CHSY3: variants seen among roughly 807,000 people sequenced by gnomAD.
CHSY3 encodes the protein N-acetylgalactosaminyl-proteoglycan 3-beta-glucuronosyltransferase 3.
CHSY3 carries 35 observed loss-of-function variants against 67.2 expected under a neutral mutation model. The observed-to-expected ratio is 0.52, with a 90% confidence interval of 0.40 to 0.69. The LOEUF (loss-of-function observed/expected upper bound fraction) is 0.69, where lower values mean the gene tolerates loss of function less well. CHSY3 is among the 30% of genes least tolerant of loss of function. The pLI is 0.00. For missense variants in CHSY3, 1,069 were observed against 1,138.5 expected (o/e 0.94, Z 0.88); for synonymous variants, 474 against 434.7 (o/e 1.09, Z -1.12).
intron 2 of CHSY3, among the ~76,000 whole-genome samples, chr5:130,012,747 G>C (rs192469308): frequency 1.3e-5 from 2 of 152,200 alleles, no homozygotes; most frequent in East Asian, 3.9e-4. Flanking sequence ...TGTAATTCAA[G>C]ATGAGATTTG....
chr5:129,913,023 A>G (rs1437307655), intron 2 of CHSY3, among the ~76,000 whole-genome samples: 1 of 152,218 alleles, frequency 6.6e-6, no homozygotes, highest in Non-Finnish European at 1.5e-5. Context: ...CCTGTTGGCA[A>G]AGATCACACT....
At chr5:130,146,980 G>T (rs1050583790) in intron 2 of CHSY3, among the ~76,000 whole-genome samples, 1 of 152,082 alleles carries the variant, frequency 6.6e-6, no homozygotes, top group Non-Finnish European at 1.5e-5. Context: ...TTTTAGTAGA[G>T]ACGGGGTTTC....
intron 2 of CHSY3, among the ~76,000 whole-genome samples, chr5:130,170,616 G>C (rs1006299187): frequency 2.0e-5 from 3 of 152,072 alleles, no homozygotes; most frequent in African/African-American, 4.8e-5. Context: ...CAGTGTATGA[G>C]CATTCCATTT....
intron 2 of CHSY3, among the ~76,000 whole-genome samples, chr5:130,101,040 C>T (rs974106006): frequency 1.1e-4 from 17 of 152,128 alleles, no homozygotes; most frequent in African/African-American, 3.6e-4. Context: ...TAAACAGTCC[C>T]GCAAGTACTT....
At chr5:130,112,902 C>A (rs921207242) in intron 2 of CHSY3, among the ~76,000 whole-genome samples, 1 of 152,066 alleles carries the variant, frequency 6.6e-6, no homozygotes, top group Non-Finnish European at 1.5e-5. Flanking sequence ...ATTTTCACTC[C>A]GTTTCCCTTT....
chr5:129,904,679 G>A lies in CHSY3; in HGVS notation c.-151G>A. Reference sequence around the variant, plus strand: ...GCCCGCGGCAGTCGAGGCGTCCGCGGCGCTTCGACCTCCAGCCGGTGTCGG... The same window carrying A: ...GCCCGCGGCAGTCGAGGCGTCCGCGACGCTTCGACCTCCAGCCGGTGTCGG... On this transcript the variant is annotated 5_prime_UTR_variant, in exon 1 of 3. Coordinates refer to ENST00000305031, the MANE Select transcript of CHSY3 (RefSeq NM_175856.5). 8.6e-7 allele frequency: 1 copy of A among 1,168,818 alleles called. No homozygotes were observed. The highest frequency in any genetic ancestry group is 1.1e-6 in the Non-Finnish European group (1 of 936,760). 72.4% of individuals were successfully genotyped at this position (1,168,818 alleles called of 1,614,324 possible). A position where few individuals can be genotyped will look rare whatever the true frequency, so the allele number is the denominator to read the frequency against.
chr5:130,023,581 G>T (rs1764452749), intron 2 of CHSY3, among the ~76,000 whole-genome samples: 1 of 152,020 alleles, frequency 6.6e-6, no homozygotes, highest in African/African-American at 2.4e-5. Context: ...CCCAACCAAG[G>T]TTCGGTGAGA....
At chr5:129,935,926 G>T (rs1761473588) in intron 2 of CHSY3, among the ~76,000 whole-genome samples, 1 of 151,976 alleles carries the variant, frequency 6.6e-6, no homozygotes, top group African/African-American at 2.4e-5. Flanking sequence ...ACAGATCTGG[G>T]AACTACACTG....
At chr5:129,993,873 G>A (rs1047509976) in intron 2 of CHSY3, among the ~76,000 whole-genome samples, 18 of 151,658 alleles carry the variant, frequency 1.2e-4, no homozygotes, top group Admixed American at 2.7e-4. Flanking sequence ...CATGTTTAGT[G>A]CTTCCTTCAG....
At chr5:130,164,119 T>A (rs922625694) in intron 2 of CHSY3, among the ~76,000 whole-genome samples, 1 of 152,214 alleles carries the variant, frequency 6.6e-6, no homozygotes, top group Non-Finnish European at 1.5e-5. Context: ...CCTGTTAATA[T>A]GTCCTTCTGG....
chr5:130,060,864 T>C (rs1242837711), intron 2 of CHSY3, among the ~76,000 whole-genome samples: 1 of 151,556 alleles, frequency 6.6e-6, no homozygotes, highest in Non-Finnish European at 1.5e-5. Context: ...ACCAAGGAGG[T>C]GACAGATCTC....
At chr5:129,960,623 T>C (rs1245490979) in intron 2 of CHSY3, among the ~76,000 whole-genome samples, 1 of 152,094 alleles carries the variant, frequency 6.6e-6, no homozygotes, top group African/African-American at 2.4e-5. Context: ...TTTTAAAGTT[T>C]TAAGACTCTC....
At chr5:129,998,966 T>C (rs1171996740) in intron 2 of CHSY3, among the ~76,000 whole-genome samples, 2 of 152,088 alleles carry the variant, frequency 1.3e-5, no homozygotes. Flanking sequence ...GGCTTCTGTG[T>C]TATTTGACAT....
intron 2 of CHSY3, among the ~76,000 whole-genome samples, chr5:129,956,729 C>T (rs964500785): frequency 1.3e-5 from 2 of 151,750 alleles, no homozygotes; most frequent in Non-Finnish European, 2.9e-5. Context: ...AGTATGTCCT[C>T]GTTGCTTGGT....
In CHSY3 at chr5:129,972,807, A is replaced by G. The variant is rs554654639; in HGVS notation, c.1086+64447A>G. ...AAATATCTAATTCTGACATATTGCC[A>G]TCTTGAGTGCTGTCTGTTGTTGCCT... is the stretch of plus-strand genomic sequence containing the variant. On this transcript the variant is annotated intron_variant, in intron 2 of 2. Transcript: ENST00000305031. 5.3e-5 allele frequency among the ~76,000 whole-genome samples: 8 copies of G among 152,152 alleles called. No homozygotes were observed. The South Asian group carries it at 1.7e-3, about 32-fold the overall frequency.
chr5:129,912,105 C>A (rs868178010), intron 2 of CHSY3, among the ~76,000 whole-genome samples: 3 of 151,978 alleles, frequency 2.0e-5, no homozygotes, highest in Non-Finnish European at 4.4e-5. Context: ...AATATGGACA[C>A]CTGTTTTAAA....
At chr5:130,163,460 A>G (rs927883172) in intron 2 of CHSY3, among the ~76,000 whole-genome samples, 2 of 152,260 alleles carry the variant, frequency 1.3e-5, no homozygotes, top group Non-Finnish European at 2.9e-5. Context: ...TTCACTCCCA[A>G]CTATTAATGA....
At chr5:130,090,784 A>G (rs759394289) in intron 2 of CHSY3, among the ~76,000 whole-genome samples, 1 of 152,208 alleles carries the variant, frequency 6.6e-6, no homozygotes, top group African/African-American at 2.4e-5. Context: ...TCAGAAGGAC[A>G]GAAGGAAGCA....
chr5:130,145,243 A>G (rs553612603), intron 2 of CHSY3, among the ~76,000 whole-genome samples: 1 of 152,314 alleles, frequency 6.6e-6, no homozygotes, highest in Admixed American at 6.5e-5. Context: ...CTGGCATAAA[A>G]ACAGATAAAT....
Sources: gnomAD v4.1 joint callset for allele counts (sites outside exome capture counted in the v4.1 genomes callset) on GRCh38, gnomAD v4.1.1 for gene constraint, MANE v1.5 for transcripts, NCBI Gene and HGNC (gene_info 2026-07-23, HGNC 2026-07-21) for gene names.